The following PTPRK variants were observed in gnomAD, a reference collection of about 807,000 sequenced individuals.
PTPRK encodes protein tyrosine phosphatase receptor type K.
In PTPRK, 75 loss-of-function variants were observed where a neutral mutation model predicts 178.0. The ratio of observed to expected loss-of-function variants is 0.42; its 90% CI spans 0.35 to 0.51. The LOEUF (loss-of-function observed/expected upper bound fraction) is 0.51, where lower values mean the gene tolerates loss of function less well. PTPRK is among the 20% of genes least tolerant of loss of function. PTPRK has a pLI of 0.02. For missense variants in PTPRK, 1,441 were observed against 1,797.8 expected, an observed-to-expected ratio of 0.80 and a Z score of 3.59; for synonymous variants, 637 against 620.6, an observed-to-expected ratio of 1.03 and a Z score of -0.39.
chr6:128,429,482 T>C lies in PTPRK; in HGVS notation c.101-31794A>G, dbSNP rs555661205. Among the ~76,000 whole-genome samples, 68 of 152,312 alleles carry C rather than the reference T, an allele frequency of 4.5e-4. 1 individual carries two copies. The highest frequency in any genetic ancestry group is 6.5e-4 in the Admixed American group (10 of 15,302). On this transcript the variant is annotated intron_variant, in intron 1 of 29. Transcript: ENST00000368226. ...CAATACAAAAACCTTCTTGGCTTTTTGATAAAAATAAAGATTCATACTTCC... is the reference window on the plus strand; with the variant it reads ...CAATACAAAAACCTTCTTGGCTTTTCGATAAAAATAAAGATTCATACTTCC...
intron 18 of PTPRK, among the ~76,000 whole-genome samples, chr6:127,993,756 C>A (rs879568101): frequency 4.0e-5 from 6 of 151,342 alleles, no homozygotes; most frequent in Non-Finnish European, 7.4e-5. Context: ...AAAAAAAATA[C>A]CAATTGCAGA....
At chr6:128,286,567 T>G (rs1447393366) in intron 3 of PTPRK, among the ~76,000 whole-genome samples, 2 of 152,176 alleles carry the variant, frequency 1.3e-5, no homozygotes, top group East Asian at 3.9e-4. Flanking sequence ...ACAGCACATA[T>G]TTTTAATAGC....
At chr6:128,428,372 G>C (rs1180107662) in intron 1 of PTPRK, among the ~76,000 whole-genome samples, 1 of 152,146 alleles carries the variant, frequency 6.6e-6, no homozygotes, top group Non-Finnish European at 1.5e-5. Context: ...AAGGTCTAAA[G>C]CCTATCGTTA....
chr6:128,428,461 G>A (rs139768888), intron 1 of PTPRK, among the ~76,000 whole-genome samples: 9 of 152,274 alleles, frequency 5.9e-5, no homozygotes, highest in South Asian at 2.1e-4. Flanking sequence ...TAAAGACAAC[G>A]AGATGTTCAT....
chr6:128,476,661 T>C (rs1851412974), intron 1 of PTPRK, among the ~76,000 whole-genome samples: 1 of 152,046 alleles, frequency 6.6e-6, no homozygotes, highest in African/African-American at 2.4e-5. Flanking sequence ...CAACACTCTT[T>C]TTACTGTGGC....
intron 3 of PTPRK, among the ~76,000 whole-genome samples, chr6:128,283,434 G>A (rs964206412): frequency 1.3e-5 from 2 of 152,172 alleles, no homozygotes; most frequent in African/African-American, 4.8e-5. Context: ...CAAATGTAAG[G>A]TAATTCTTCC....
chr6:128,098,672 C>G (rs780991465), intron 7 of PTPRK, among the ~76,000 whole-genome samples: 1 of 151,970 alleles, frequency 6.6e-6, no homozygotes, highest in East Asian at 1.9e-4. Flanking sequence ...TATCTTCATT[C>G]GGTAAATTAC....
chr6:128,419,771 G>T lies in PTPRK; in HGVS notation c.101-22083C>A, dbSNP rs186560428. Among the ~76,000 whole-genome samples the T allele has an allele frequency of 1.5e-3, 227 of 152,262 alleles. 1 individual carries two copies. Among genetic ancestry groups the T allele is most frequent in the African/African-American group, 5.1e-3 (212 of 41,556 alleles). On this transcript the variant is annotated intron_variant, in intron 1 of 29. Transcript: ENST00000368226. ...TGGAGCCAGGGCAAGACCGATTCTG[G>T]GGTTGAAGAGGATCATATGCTCTTT...
intron 3 of PTPRK, among the ~76,000 whole-genome samples, chr6:128,270,832 A>G (rs1819690552): frequency 1.3e-5 from 2 of 152,158 alleles, no homozygotes; most frequent in East Asian, 3.9e-4. Flanking sequence ...TAGACCAAGC[A>G]TACTATTTGG....
At chr6:128,318,779 C>T (rs543489109) in intron 3 of PTPRK, among the ~76,000 whole-genome samples, 8 of 152,210 alleles carry the variant, frequency 5.3e-5, no homozygotes, top group African/African-American at 1.7e-4. Context: ...GAAAATTACG[C>T]TTTTAGAGGT....
intron 1 of PTPRK, among the ~76,000 whole-genome samples, chr6:128,430,606 T>G (rs1200449781): frequency 6.6e-6 from 1 of 152,014 alleles, no homozygotes; most frequent in Admixed American, 6.6e-5. Context: ...TGCATGAGAG[T>G]GTATAAAACA....
chr6:128,337,761 A>G (rs1231708107), intron 2 of PTPRK, among the ~76,000 whole-genome samples: 1 of 152,198 alleles, frequency 6.6e-6, no homozygotes, highest in Non-Finnish European at 1.5e-5. Flanking sequence ...TACACAAGAC[A>G]GTCTGGCTAT....
intron 7 of PTPRK, among the ~76,000 whole-genome samples, chr6:128,179,954 T>G (rs1036231621): frequency 7.9e-5 from 12 of 152,072 alleles, no homozygotes; most frequent in African/African-American, 2.9e-4. Flanking sequence ...GCTTCATAGA[T>G]CTAACTGTTT....
At chr6:128,200,159 T>C (rs1805654735) in intron 6 of PTPRK, among the ~76,000 whole-genome samples, 1 of 152,232 alleles carries the variant, frequency 6.6e-6, no homozygotes, top group Admixed American at 6.5e-5. Flanking sequence ...TTCTTTTATG[T>C]AACATTATAC....
intron 7 of PTPRK, among the ~76,000 whole-genome samples, chr6:128,140,290 A>T (rs1244791255): frequency 1.3e-5 from 2 of 152,086 alleles, no homozygotes; most frequent in Admixed American, 1.3e-4. Context: ...ATAAGGGTAA[A>T]AGAGAATTTG....
intron 5 of PTPRK, among the ~76,000 whole-genome samples, chr6:128,236,676 G>A (rs923856222): frequency 1.3e-5 from 2 of 151,896 alleles, no homozygotes; most frequent in African/African-American, 2.4e-5. Flanking sequence ...TAAATGTACC[G>A]CATAACATAT....
chr6:128,041,126 T>A (rs563766639), intron 13 of PTPRK, among the ~76,000 whole-genome samples: 294 of 152,242 alleles, frequency 1.9e-3, no homozygotes, highest in Admixed American at 5.6e-3. Context: ...TTTTGTAAGA[T>A]CAATAGGGGT....
At position 127,992,507 on chromosome 6, in the gene PTPRK, T is replaced by G. The variant is rs183844183; in HGVS notation, c.2881+166A>C. Among the ~76,000 whole-genome samples the G allele has an allele frequency of 2.5e-3, 383 of 151,926 alleles. 3 individuals are homozygous for G. The highest frequency in any genetic ancestry group is 8.7e-3 in the African/African-American group (360 of 41,552). On this transcript the variant is annotated intron_variant, in intron 19 of 29. Coordinates refer to ENST00000368226, the MANE Select transcript of PTPRK (RefSeq NM_002844.4). ...ATCAAGCTTAAATTTATATAAGCTT[T>G]ACACACACAATAAATTTGTACTATA...
At chr6:128,302,381 G>A (rs1213543998) in intron 3 of PTPRK, among the ~76,000 whole-genome samples, 3 of 90,216 alleles carry the variant, frequency 3.3e-5, no homozygotes, top group African/African-American at 4.3e-5. Flanking sequence ...GACAGAGGAA[G>A]ACTCAATTCC....
Sources: allele counts gnomAD v4.1 joint callset (sites outside exome capture counted in the v4.1 genomes callset), GRCh38; gene constraint gnomAD v4.1.1; transcripts MANE v1.5; gene names NCBI Gene and HGNC (gene_info 2026-07-23, HGNC 2026-07-21).